FNDC1: variants seen among roughly 807,000 people sequenced by gnomAD.
The protein encoded by FNDC1 is fibronectin type III domain containing 1, also known as fibronectin type III domain-containing protein 1.
Under a neutral mutation model 168.0 loss-of-function variants are expected in FNDC1, and 96 were observed. That is an observed-to-expected ratio of 0.57 (90% CI 0.48 to 0.68). The LOEUF (loss-of-function observed/expected upper bound fraction) is 0.68, where lower values mean the gene tolerates loss of function less well. Among genes scored for constraint, FNDC1 ranks in the 30% least tolerant of loss-of-function variants. The pLI, the probability that FNDC1 is intolerant of heterozygous loss-of-function variation, is 0.00. For missense variants in FNDC1, 2,587 were observed against 2,482.1 expected (o/e 1.04, Z -0.90); for synonymous variants, 1,099 against 1,025.9 (o/e 1.07, Z -1.36).
Position 159,237,522 on chromosome 6 carries a change from C to T in FNDC1, c.4069-1032C>T, listed in dbSNP as rs145029794. Among the ~76,000 whole-genome samples the T allele has an allele frequency of 2.5e-3, 375 of 152,238 alleles. 1 individual carries two copies. Among genetic ancestry groups the T allele is most frequent in the South Asian group, 4.1e-3 (20 of 4,820 alleles). ...AGTTTTACAGTTCCTTAGAATGTGA[C>T]GTTTTCTGCATGCATACTATATTAG... On this transcript the variant is annotated intron_variant, in intron 12 of 22. Transcript: ENST00000297267.
At chr6:159,225,468 A>T in intron 7 of FNDC1, 67 bp from the exon 8 acceptor site, 1 of 1,305,242 alleles carries the variant, frequency 7.7e-7, no homozygotes, top group Non-Finnish European at 1.0e-6. Context: ...GGAAGGAAAA[A>T]CAGCGAGGCA....
At chr6:159,200,435 T>C (rs1782352303) in intron 3 of FNDC1, 78 bp from the exon 4 acceptor site, 3 of 1,061,700 alleles carry the variant, frequency 2.8e-6, no homozygotes, top group Non-Finnish European at 2.8e-6. Context: ...CATTTAATTA[T>C]ACATTATGGA....
intron 13 of FNDC1, among the ~76,000 whole-genome samples, chr6:159,239,080 T>G (rs1783334360): frequency 1.3e-5 from 2 of 152,170 alleles, no homozygotes; most frequent in African/African-American, 4.8e-5. Flanking sequence ...ATACGCAAAG[T>G]TTTACTGGAA....
At chr6:159,227,204 T>G (rs77130826) in intron 9 of FNDC1, among the ~76,000 whole-genome samples, 2,099 of 152,336 alleles carry the variant, frequency 0.014, 43 homozygotes, top group African/African-American at 0.048. Context: ...TCTTTTATTT[T>G]TAATGTAAAA....
At chr6:159,228,597 A>G (rs998715825) in intron 9 of FNDC1, among the ~76,000 whole-genome samples, 6 of 152,190 alleles carry the variant, frequency 3.9e-5, no homozygotes, top group African/African-American at 1.2e-4. Context: ...AGGGAAAAGA[A>G]AAGATCATCC....
rs1777258110 is a variant in FNDC1, at chr6:159,251,333, A to G, written c.4866A>G (p.Pro1622=). The G allele has an allele frequency of 1.9e-6, 3 of 1,613,872 alleles. No homozygotes were observed. The African/African-American group carries it at 4.0e-5, about 22-fold the overall frequency. Residue 1622 remains proline (P), a synonymous_variant, in exon 17 of 23, where the codon CCA becomes CCG. Transcript: ENST00000297267. ...APYVTYLNKD[P]SAPCSLTDAL... is the part of the protein sequence containing the mutation. Reference sequence around the variant, plus strand: ...ACGTGACGTACCTAAATAAAGACCCATCAGCCCCGTGCTCTCTGACTGATG... The same window carrying G: ...ACGTGACGTACCTAAATAAAGACCCGTCAGCCCCGTGCTCTCTGACTGATG...
chr6:159,193,439 T>C (rs1325975161), intron 1 of FNDC1, among the ~76,000 whole-genome samples: 2 of 152,178 alleles, frequency 1.3e-5, no homozygotes, highest in African/African-American at 4.8e-5. Flanking sequence ...TTGATCTTGT[T>C]GGTCTTACCT....
At chr6:159,183,887 C>T (rs542332023) in intron 1 of FNDC1, among the ~76,000 whole-genome samples, 2 of 152,336 alleles carry the variant, frequency 1.3e-5, no homozygotes, top group East Asian at 3.9e-4. Flanking sequence ...CTCATGTGTC[C>T]TTATGAATTC....
In FNDC1 at chr6:159,246,854, T is replaced by C. The variant is rs762184111; in HGVS notation, c.4622-47T>C. The C allele has an allele frequency of 4.3e-6, 6 of 1,381,882 alleles. No individual in the cohort carries two copies. The African/African-American group carries it at 8.5e-5, about 20-fold the overall frequency. The allele number at this position is 1,381,882 out of a possible 1,614,324, so 85.6% of individuals were successfully genotyped here. On this transcript the variant is annotated intron_variant, in intron 14 of 22. Transcript: ENST00000297267. ...CTGGGGCCTGCTTCTGAGAGAACCC[T>C]GGAGAAGGAGCGCTGGATGACTGGT...
rs750054891 is a variant in FNDC1, at chr6:159,223,508, G to C, written c.767-20G>C. The C allele has an allele frequency of 1.3e-6, 2 of 1,544,058 alleles. No individual in the cohort carries two copies. The highest frequency in any genetic ancestry group is 3.4e-5 in the Admixed American group (2 of 58,106). On this transcript the variant is annotated intron_variant, in intron 6 of 22. Coordinates refer to ENST00000297267, the MANE Select transcript of FNDC1 (RefSeq NM_032532.3). ...CTGTTGTGAGAGAAAGCCTTTCTCT[G>C]GGTCTCGTTGTCATTTCAGAAGAGG...
chr6:159,219,666 T>C (rs997727210), intron 5 of FNDC1, among the ~76,000 whole-genome samples: 1 of 152,188 alleles, frequency 6.6e-6, no homozygotes, highest in Non-Finnish European at 1.5e-5. Context: ...AATAAAACTT[T>C]TTCTTAATGA....
In FNDC1 at chr6:159,222,984, A is replaced by ATT. The variant is rs201310702; in HGVS notation, c.767-517_767-516dup. 1.5e-3 allele frequency among the ~76,000 whole-genome samples: 176 copies of ATT among 116,830 alleles called. 5 individuals carry two copies. Among genetic ancestry groups the ATT allele is most frequent in the African/African-American group, 2.4e-3 (91 of 37,732 alleles). The allele number at this position is 116,830 out of a possible 152,430, so 76.6% of individuals were successfully genotyped here. A position where few individuals can be genotyped will look rare whatever the true frequency, so the allele number is the denominator to read the frequency against. Reference sequence around the variant, plus strand: ...GGGCAGCTTTTAAAGTGAAATACTCATTTTTTTTTTTTTTTTTTTTTTTTT... The same window carrying ATT: ...GGGCAGCTTTTAAAGTGAAATACTCATTTTTTTTTTTTTTTTTTTTTTTTTTT... On this transcript the variant is annotated intron_variant, in intron 6 of 22. Coordinates refer to ENST00000297267, the MANE Select transcript of FNDC1 (RefSeq NM_032532.3).
At chr6:159,254,435 A>G (rs1284975005) in intron 17 of FNDC1, among the ~76,000 whole-genome samples, 2 of 152,184 alleles carry the variant, frequency 1.3e-5, no homozygotes, top group Non-Finnish European at 2.9e-5. Flanking sequence ...TCAGATGCAA[A>G]TCGTAAAATC....
intron 14 of FNDC1, among the ~76,000 whole-genome samples, chr6:159,240,378 C>T (rs529325173): frequency 6.6e-6 from 1 of 152,274 alleles, no homozygotes; most frequent in African/African-American, 2.4e-5. Context: ...TTAAAAGGTT[C>T]TGTGATTAGC....
chr6:159,233,845 G>A lies in FNDC1; in HGVS notation c.3333G>A (p.Gln1111=), dbSNP rs1407035004. 6.5e-7 allele frequency: 1 copy of A among 1,545,076 alleles called. No homozygotes were observed. The highest frequency in any genetic ancestry group is 2.5e-5 in the East Asian group (1 of 40,788). ...CAGCTGCGTCCCTTCCCAAGCACCA[G>A]CAGGTGGAGTCTCCCACAGGCGCAG... ...KEAAASLPKH[Q]QVESPTGAGA... Residue 1111 remains glutamine (Q), a synonymous_variant, in exon 11 of 23, where the codon CAG becomes CAA. Transcript: ENST00000297267. The surrounding 1 kb of genome is among the most constrained non-coding windows in gnomAD (Gnocchi z 4.6).
chr6:159,199,863 C>T (rs1782334947), intron 2 of FNDC1, 133 bp from the exon 3 acceptor site: 1 of 689,422 alleles, frequency 1.5e-6, no homozygotes. Context: ...TATCATTATG[C>T]TTGTCACTGA....
chr6:159,181,602 T>C (rs1781880600), intron 1 of FNDC1, among the ~76,000 whole-genome samples: 1 of 152,202 alleles, frequency 6.6e-6, no homozygotes, highest in South Asian at 2.1e-4. Context: ...GCTTGCCAGA[T>C]GTAGTGTTTT....
Position 159,178,919 on chromosome 6 carries a change from C to T in FNDC1, c.109+9214C>T, listed in dbSNP as rs1781823804. Among the ~76,000 whole-genome samples the T allele has an allele frequency of 3.3e-5, 5 of 152,016 alleles. No individual in the cohort carries two copies. The South Asian group carries it at 8.3e-4, about 25-fold the overall frequency. ...TCCAGTCTCAGGACAGCAGCTGCAG[C>T]AATTCTCGTGATGCACAATGTCACA... On this transcript the variant is annotated intron_variant, in intron 1 of 22. Transcript: ENST00000297267.
At chr6:159,267,352 A>T (rs1342035822) in intron 21 of FNDC1, among the ~76,000 whole-genome samples, 1 of 152,188 alleles carries the variant, frequency 6.6e-6, no homozygotes, top group Admixed American at 6.5e-5. Context: ...CCTACTGTGC[A>T]GCCATGGCTC....
Sources: gnomAD v4.1 joint callset for allele counts (sites outside exome capture counted in the v4.1 genomes callset) on GRCh38, gnomAD v4.1.1 for gene constraint, Gnocchi (gnomAD v3.1) non-coding constraint, MANE v1.5 for transcripts, NCBI Gene and HGNC (gene_info 2026-07-23, HGNC 2026-07-21) for gene names.